TRIO: variants seen among roughly 807,000 people sequenced by gnomAD.
TRIO encodes the protein triple functional domain protein.
A neutral mutation model predicts 351.9 loss-of-function variants in TRIO; 58 were observed. The observed-to-expected ratio is 0.16, with a 90% confidence interval of 0.13 to 0.21. The LOEUF (loss-of-function observed/expected upper bound fraction) is 0.21, where lower values mean the gene tolerates loss of function less well. TRIO is among the 10% of genes least tolerant of loss of function. The pLI is 1.00. For synonymous variants in TRIO, 1,758 were observed against 1,595.7 expected, an observed-to-expected ratio of 1.10 and a Z score of -2.42; for missense variants, 3,201 against 4,027.8, an observed-to-expected ratio of 0.79 and a Z score of 5.56.
At position 14,297,470 on chromosome 5, in the gene TRIO, G is replaced by GT. The variant is rs1278179318; in HGVS notation, c.1368+213dup. 25 of 529,576 alleles carry GT rather than the reference G, an allele frequency of 4.7e-5. No homozygotes were observed. In the Admixed American group the frequency reaches 6.6e-4, roughly 14 times the overall value. The allele number at this position is 529,576 out of a possible 1,614,324, so 32.8% of individuals were successfully genotyped here. ...GCAAGTGACTTAGCCTCTCTGTTTT[G>GT]TTTTTTCATTTGTAAAGTAGAAATA... is the stretch of plus-strand genomic sequence containing the variant. On this transcript the variant is annotated intron_variant, in intron 7 of 56. Coordinates refer to ENST00000344204, the MANE Select transcript of TRIO (RefSeq NM_007118.4).
intron 1 of TRIO, among the ~76,000 whole-genome samples, chr5:14,249,848 T>C (rs1794638736): frequency 6.6e-6 from 1 of 152,268 alleles, no homozygotes; most frequent in East Asian, 1.9e-4. Flanking sequence ...GGAGACAAAG[T>C]ATAAATCACC....
chr5:14,328,433 T>G (rs920162498), intron 9 of TRIO, among the ~76,000 whole-genome samples: 12 of 152,212 alleles, frequency 7.9e-5, no homozygotes, highest in Non-Finnish European at 1.6e-4. Context: ...TAAAACAATG[T>G]GCTCAATACA....
At chr5:14,441,601 T>C in intron 34 of TRIO, among the ~76,000 whole-genome samples, 1 of 152,220 alleles carries the variant, frequency 6.6e-6, no homozygotes, top group East Asian at 1.9e-4. Flanking sequence ...CATTGTGTGT[T>C]GTAAGACCTT....
chr5:14,280,474 C>T (rs1474758641), intron 3 of TRIO, 38 bp downstream of exon 3: 2 of 1,555,216 alleles, frequency 1.3e-6, no homozygotes, highest in Admixed American at 1.7e-5. Flanking sequence ...ACTGATGTCA[C>T]ATTTACAAGA....
intron 52 of TRIO, 120 bp from the exon 53 acceptor site, chr5:14,498,399 G>T: frequency 6.6e-7 from 1 of 1,511,970 alleles, no homozygotes; most frequent in East Asian, 2.5e-5. Flanking sequence ...ACGCCTGGGT[G>T]TACAGCTCCT....
chr5:14,480,155 AT>A (rs1755406689), intron 43 of TRIO, 144 bp downstream of exon 43: 1 of 726,972 alleles, frequency 1.4e-6, no homozygotes, highest in Admixed American at 2.7e-5. Flanking sequence ...AACCTTAAAA[AT>A]TTAAATCAGC....
At chr5:14,450,486 A>G (rs2126423341) in intron 34 of TRIO, among the ~76,000 whole-genome samples, 1 of 152,230 alleles carries the variant, frequency 6.6e-6, no homozygotes, top group African/African-American at 2.4e-5. Flanking sequence ...TCTTCATTAC[A>G]GCATGAGCCG....
chr5:14,470,499 G>A (rs1296286744), intron 37 of TRIO, among the ~76,000 whole-genome samples: 2 of 152,138 alleles, frequency 1.3e-5, no homozygotes, highest in Non-Finnish European at 1.5e-5. Flanking sequence ...GTAAAACAAC[G>A]AGATTAATAT....
In TRIO at chr5:14,257,128, G is replaced by T. The variant is rs143667279; in HGVS notation, c.158-13697G>T. On this transcript the variant is annotated intron_variant, in intron 1 of 56. Transcript: ENST00000344204. ...CCAAAGGTGGAAGCCGAAGATGGGA[G>T]GAGAATGAGGTCTGTCTGTGCCTCT... Among the ~76,000 whole-genome samples, 503 of 152,366 alleles carry T rather than the reference G, an allele frequency of 3.3e-3. 3 individuals carry two copies. Among genetic ancestry groups the T allele is most frequent in the African/African-American group, 0.011 (470 of 41,592 alleles).
At chr5:14,155,063 T>G (rs1037339051) in intron 1 of TRIO, among the ~76,000 whole-genome samples, 2 of 152,172 alleles carry the variant, frequency 1.3e-5, no homozygotes, top group African/African-American at 2.4e-5. Flanking sequence ...GCTGTGTAGT[T>G]TTTGGTCATT....
At position 14,465,659 on chromosome 5, in the gene TRIO, A is replaced by G. The variant is rs763752353; in HGVS notation, c.5763+19A>G. On this transcript the variant is annotated intron_variant, in intron 37 of 56. Transcript: ENST00000344204. ...CAAGATGGTGAGGCCTCCCAGAGAA[A>G]GTCTGACTTTTGGAAGCTGCTCTGT... 1 of 1,613,684 alleles carries G rather than the reference A, an allele frequency of 6.2e-7. No individual in the cohort carries two copies. Among genetic ancestry groups the G allele is most frequent in the African/African-American group, 1.3e-5 (1 of 74,892 alleles).
chr5:14,170,614 C>A (rs1337585510), intron 1 of TRIO, among the ~76,000 whole-genome samples: 1 of 150,694 alleles, frequency 6.6e-6, no homozygotes, highest in Non-Finnish European at 1.5e-5. Context: ...TCAGGTGATT[C>A]TCCTGCCTCA....
rs555239666 is a variant in TRIO at position 14,251,007 on chromosome 5, G to A, written c.158-19818G>A. ...ACAGAAGACAGAGGAGGGGGCGAGG[G>A]GAACCCTTTGAATTTGATCCCCATT... On this transcript the variant is annotated intron_variant, in intron 1 of 56. Transcript: ENST00000344204. Among the ~76,000 whole-genome samples, 20 of 152,280 alleles carry A rather than the reference G, an allele frequency of 1.3e-4. 1 individual carries two copies. Among genetic ancestry groups the A allele is most frequent in the African/African-American group, 4.8e-4 (20 of 41,570 alleles).
intron 18 of TRIO, among the ~76,000 whole-genome samples, chr5:14,370,713 A>G (rs1490546480): frequency 6.6e-6 from 1 of 152,112 alleles, no homozygotes; most frequent in African/African-American, 2.4e-5. Flanking sequence ...CACAGTTTCC[A>G]CGGTCATTAG....
chr5:14,419,919 A>G lies in TRIO; in HGVS notation c.5101A>G (p.Thr1701Ala). The change falls in exon 34 of 57, where the codon ACT becomes GCT. Residue 1701 changes from threonine (T) to alanine (A), a missense_variant. By Grantham distance (58) the Thr-to-Ala change is moderately conservative. This residue lies in a region of TRIO where 193 missense variants were observed against 218.8 expected (regional missense o/e 0.88). Coordinates refer to ENST00000344204, the MANE Select transcript of TRIO (RefSeq NM_007118.4). ...DKPDWCLVRTTDRSPAAEGLV... is the reference protein window; with the variant it reads ...DKPDWCLVRTADRSPAAEGLV... Reference sequence around the variant, plus strand: ...GCCTGACTGGTGTCTGGTGCGGACAACTGACCGCTCCCCAGCGGCAGAAGG... The same window carrying G: ...GCCTGACTGGTGTCTGGTGCGGACAGCTGACCGCTCCCCAGCGGCAGAAGG... The G allele has an allele frequency of 6.2e-7, 1 of 1,614,146 alleles. No individual in the cohort carries two copies. Among genetic ancestry groups the G allele is most frequent in the Non-Finnish European group, 8.5e-7 (1 of 1,179,984 alleles).
chr5:14,144,122 G>T (rs1030547992), intron 1 of TRIO, among the ~76,000 whole-genome samples: 4 of 152,024 alleles, frequency 2.6e-5, no homozygotes, highest in African/African-American at 9.7e-5. Flanking sequence ...CCACCACCTC[G>T]CCCTCCCTGC....
At chr5:14,382,361 A>C (rs1268614190) in intron 21 of TRIO, among the ~76,000 whole-genome samples, 1 of 151,932 alleles carries the variant, frequency 6.6e-6, no homozygotes, top group African/African-American at 2.4e-5. Context: ...CTTCTTTGCC[A>C]CTCTCTGCTC....
intron 10 of TRIO, among the ~76,000 whole-genome samples, chr5:14,332,055 G>A (rs1307433822): frequency 6.6e-6 from 1 of 152,164 alleles, no homozygotes; most frequent in Non-Finnish European, 1.5e-5. Context: ...CAGGTTCAAG[G>A]AAGAATCTGG....
chr5:14,412,979 A>ATAATG (rs1021447169), intron 33 of TRIO, among the ~76,000 whole-genome samples: 6 of 151,978 alleles, frequency 3.9e-5, no homozygotes, highest in African/African-American at 1.5e-4. Context: ...CTGCTCACAT[A>ATAATG]TATTTAGATC....
Sources: allele counts gnomAD v4.1 joint callset (sites outside exome capture counted in the v4.1 genomes callset), GRCh38; gene constraint gnomAD v4.1.1; regional missense constraint gnomAD v4.1.1; transcripts MANE v1.5; gene names NCBI Gene and HGNC (gene_info 2026-07-23, HGNC 2026-07-21).